The following NAV2 variants were observed in gnomAD, a reference collection of about 807,000 sequenced individuals.
The protein encoded by NAV2 is neuron navigator 2.
A neutral mutation model predicts 223.2 loss-of-function variants in NAV2; 54 were observed. The ratio of observed to expected loss-of-function variants is 0.24; its 90% CI spans 0.19 to 0.30. NAV2 has a LOEUF of 0.30. Ranked by LOEUF, NAV2 falls within the 10% of genes least tolerant of loss-of-function variation. NAV2 has a pLI of 1.00. For synonymous variants in NAV2, 1,279 were observed against 1,239.3 expected (o/e 1.03, Z -0.67); for missense variants, 2,806 against 3,147.5 (o/e 0.89, Z 2.60).
At chr11:19,455,503 C>A (rs573188229) in intron 1 of NAV2, among the ~76,000 whole-genome samples, 2 of 152,132 alleles carry the variant, frequency 1.3e-5, no homozygotes, top group East Asian at 3.9e-4. Context: ...ATCTCTCTCC[C>A]ATTCTGCTGT....
intron 22 of NAV2, among the ~76,000 whole-genome samples, chr11:20,070,450 C>T (rs867649085): frequency 6.6e-6 from 1 of 152,188 alleles, no homozygotes; most frequent in Admixed American, 6.5e-5. Flanking sequence ...CCACAGGAGC[C>T]TCACCTTGGG....
rs11267537 is a variant in NAV2 at position 20,106,175 on chromosome 11, A to ATATATATATGTGTG, written c.6841+449_6841+450insATATATATGTGTGT. On this transcript the variant is annotated intron_variant, in intron 35 of 37. Transcript: ENST00000349880. ...TGTGTGTATATATATATATATATAT[A>ATATATATATGTGTG]TGTGTGTGTATATATATATATATAT... 3.1e-3 allele frequency among the ~76,000 whole-genome samples: 110 copies of ATATATATATGTGTG among 35,812 alleles called. 17 individuals are homozygous for ATATATATATGTGTG. Among genetic ancestry groups the ATATATATATGTGTG allele is most frequent in the East Asian group, 8.5e-3 (8 of 940 alleles). 23.5% of individuals were successfully genotyped at this position (35,812 alleles called of 152,430 possible).
intron 1 of NAV2, among the ~76,000 whole-genome samples, chr11:19,619,915 T>A (rs1319888303): frequency 6.6e-6 from 1 of 152,256 alleles, no homozygotes; most frequent in Admixed American, 6.5e-5. Flanking sequence ...AAGTCTTTAA[T>A]CCATCTTAAA....
chr11:19,564,893 G>A (rs1443110100), intron 1 of NAV2, among the ~76,000 whole-genome samples: 3 of 152,218 alleles, frequency 2.0e-5, no homozygotes, highest in Non-Finnish European at 1.5e-5. Flanking sequence ...CCAGCACTTT[G>A]GGAAGCAGAG....
At chr11:19,541,942 A>G (rs566149734) in intron 1 of NAV2, among the ~76,000 whole-genome samples, 1 of 152,188 alleles carries the variant, frequency 6.6e-6, no homozygotes, top group Non-Finnish European at 1.5e-5. Context: ...GATTTTTAAA[A>G]CTAAGCTAGA....
chr11:19,689,096 C>A (rs955163780), intron 1 of NAV2, among the ~76,000 whole-genome samples: 3 of 152,118 alleles, frequency 2.0e-5, no homozygotes, highest in African/African-American at 7.2e-5. Context: ...GAAGGAGGAT[C>A]CCAATGTGGC....
chr11:19,675,138 G>T (rs2048680033), intron 1 of NAV2, among the ~76,000 whole-genome samples: 1 of 152,062 alleles, frequency 6.6e-6, no homozygotes, highest in African/African-American at 2.4e-5. Context: ...GGTAAAAAAG[G>T]CCCTGTTCAA....
At chr11:19,960,617 ATTTATTTATTTT>A (rs1174085638) in intron 10 of NAV2, among the ~76,000 whole-genome samples, 7 of 146,504 alleles carry the variant, frequency 4.8e-5, no homozygotes, top group African/African-American at 1.8e-4. Context: ...TTATTTATTT[ATTTATTTATTTT>A]TTGAGACAGA....
chr11:20,077,166 A>G (rs1359965160), intron 22 of NAV2, among the ~76,000 whole-genome samples: 1 of 152,196 alleles, frequency 6.6e-6, no homozygotes, highest in Non-Finnish European at 1.5e-5. Context: ...TAACTATGAT[A>G]TCTCAAAGTG....
chr11:19,539,171 T>C (rs1261586015), intron 1 of NAV2, among the ~76,000 whole-genome samples: 3 of 152,234 alleles, frequency 2.0e-5, no homozygotes, highest in African/African-American at 7.2e-5. Flanking sequence ...TGAGCCTCAT[T>C]ACGATCAGTT....
At chr11:20,094,863 C>T (rs1323257537) in intron 29 of NAV2, among the ~76,000 whole-genome samples, 1 of 152,210 alleles carries the variant, frequency 6.6e-6, no homozygotes, top group Non-Finnish European at 1.5e-5. Context: ...TCCACCCAAC[C>T]ACGCTCCTGA....
At chr11:19,420,851 C>T (rs1850581924) in intron 1 of NAV2, among the ~76,000 whole-genome samples, 1 of 152,192 alleles carries the variant, frequency 6.6e-6, no homozygotes, top group Non-Finnish European at 1.5e-5. Context: ...GAGCTGTACA[C>T]TTATGAATTA....
chr11:20,121,356 A>G lies in NAV2; in HGVS notation c.*3098A>G, dbSNP rs1035070243. 1.3e-5 allele frequency: 2 copies of G among 152,644 alleles called. No individual in the cohort carries two copies. The highest frequency in any genetic ancestry group is 4.8e-5 in the African/African-American group (2 of 41,454). The allele number at this position is 152,644 out of a possible 1,614,324, so 9.5% of individuals were successfully genotyped here. ...TGCTGCATTTTGATGAATTTTTTCT[A>G]GCCATTTTTAAAGAGAAAACTAGGA... On this transcript the variant is annotated 3_prime_UTR_variant, in exon 38 of 38. Coordinates refer to ENST00000349880, the MANE Select transcript of NAV2 (RefSeq NM_145117.5).
intron 1 of NAV2, among the ~76,000 whole-genome samples, chr11:19,485,209 T>C (rs769700826): frequency 1.6e-4 from 24 of 152,140 alleles, no homozygotes; most frequent in Non-Finnish European, 2.8e-4. Context: ...GCAAGTTGCT[T>C]TCCCTGCTTG....
At chr11:19,651,048 T>C (rs1704186372) in intron 1 of NAV2, among the ~76,000 whole-genome samples, 1 of 152,152 alleles carries the variant, frequency 6.6e-6, no homozygotes, top group South Asian at 2.1e-4. Flanking sequence ...AGCCTAAACA[T>C]GGAGAGCTAT....
At chr11:19,530,867 C>T (rs1318921732) in intron 1 of NAV2, among the ~76,000 whole-genome samples, 1 of 152,188 alleles carries the variant, frequency 6.6e-6, no homozygotes, top group Non-Finnish European at 1.5e-5. Flanking sequence ...TGCCAAGTCC[C>T]ACAGCCACGA....
intron 36 of NAV2, among the ~76,000 whole-genome samples, chr11:20,109,448 T>TAAA (rs1323711622): frequency 6.6e-6 from 1 of 152,230 alleles, no homozygotes; most frequent in Non-Finnish European, 1.5e-5. Context: ...CTGGCGTGGA[T>TAAA]AAATTGACCA....
At chr11:19,536,537 G>A (rs989400948) in intron 1 of NAV2, among the ~76,000 whole-genome samples, 4 of 152,160 alleles carry the variant, frequency 2.6e-5, no homozygotes, top group African/African-American at 4.8e-5. Context: ...TCCCCACCAT[G>A]TGCCAATACC....
At chr11:19,936,507 T>G (rs937751772) in intron 7 of NAV2, among the ~76,000 whole-genome samples, 1 of 152,194 alleles carries the variant, frequency 6.6e-6, no homozygotes, top group South Asian at 2.1e-4. Context: ...TAGCCCCGTT[T>G]TTACGTTAAT....
Sources: gnomAD v4.1 joint callset for allele counts (sites outside exome capture counted in the v4.1 genomes callset) on GRCh38, gnomAD v4.1.1 for gene constraint, MANE v1.5 for transcripts, NCBI Gene and HGNC (gene_info 2026-07-23, HGNC 2026-07-21) for gene names.